PTPRD: variants seen among roughly 807,000 people sequenced by gnomAD.
PTPRD encodes receptor-type tyrosine-protein phosphatase delta.
Under a neutral mutation model 214.5 loss-of-function variants are expected in PTPRD, and 34 were observed. The ratio of observed to expected loss-of-function variants is 0.16; its 90% CI spans 0.12 to 0.21. PTPRD has a LOEUF of 0.21. Among genes scored for constraint, PTPRD ranks in the 10% least tolerant of loss-of-function variants. The probability of loss-of-function intolerance (pLI) is 1.00; values close to 1 mark genes in which losing one functional copy is unlikely to be tolerated. For missense variants in PTPRD, 2,545 were observed against 2,398.7 expected (o/e 1.06, Z -1.27); for synonymous variants, 1,128 against 845.7 (o/e 1.33, Z -5.79).
rs374823031 is a variant in PTPRD at position 8,501,107 on chromosome 9, G to A, written c.1823-48C>T. On this transcript the variant is annotated intron_variant, in intron 23 of 45. Coordinates refer to ENST00000381196, the MANE Select transcript of PTPRD (RefSeq NM_002839.4). ...GGAGGATTTAAGTGAAAGGACAGGA[G>A]TGGTTGAAAAAAAAAATGATAAAAC... 4.4e-5 allele frequency: 61 copies of A among 1,396,364 alleles called. No homozygotes were observed. In the African/African-American group the frequency reaches 7.2e-4, roughly 16 times the overall value. 86.5% of individuals were successfully genotyped at this position (1,396,364 alleles called of 1,614,324 possible).
At chr9:9,043,219 T>C (rs1422117697) in intron 10 of PTPRD, among the ~76,000 whole-genome samples, 1 of 152,166 alleles carries the variant, frequency 6.6e-6, no homozygotes, top group East Asian at 1.9e-4. Context: ...TTCTGTGTTG[T>C]TGGAAAACTT....
rs560389000 is a variant in PTPRD at position 8,314,702 on chromosome 9, A to G, written c.*3172T>C. 4.3e-6 allele frequency: 1 copy of G among 231,186 alleles called. No homozygotes were observed. Among genetic ancestry groups the G allele is most frequent in the African/African-American group, 2.2e-5 (1 of 45,194 alleles). The allele number at this position is 231,186 out of a possible 1,614,324, so 14.3% of individuals were successfully genotyped here. A position where few individuals can be genotyped will look rare whatever the true frequency, so the allele number is the denominator to read the frequency against. On this transcript the variant is annotated 3_prime_UTR_variant, in exon 46 of 46. Coordinates refer to ENST00000381196, the MANE Select transcript of PTPRD (RefSeq NM_002839.4). ...GCAAAACCGAAAATAAACAGGAAAG[A>G]AAAAAAATACGTGCATTACTGCAGA...
At chr9:10,015,584 C>T (rs1163574491) in intron 4 of PTPRD, among the ~76,000 whole-genome samples, 1 of 152,048 alleles carries the variant, frequency 6.6e-6, no homozygotes, top group Admixed American at 6.6e-5. Context: ...TCAATCCAAG[C>T]CTCAACTTTA....
intron 5 of PTPRD, among the ~76,000 whole-genome samples, chr9:9,813,823 C>T (rs1310151944): frequency 3.3e-5 from 5 of 152,012 alleles, no homozygotes; most frequent in Middle Eastern, 6.8e-3. Flanking sequence ...AATTATAGAC[C>T]AACATTTCTG....
At position 10,003,152 on chromosome 9, in the gene PTPRD, T is replaced by C. The variant is rs956605092; in HGVS notation, c.-472+30566A>G. On this transcript the variant is annotated intron_variant, in intron 4 of 45. Transcript: ENST00000381196. ...TAGTCAAGGGACATAAGAAATGAGTTCCAGGCAGAAGGAAGAATAAAGCCA... is the reference window on the plus strand; with the variant it reads ...TAGTCAAGGGACATAAGAAATGAGTCCCAGGCAGAAGGAAGAATAAAGCCA... 3.3e-5 allele frequency among the ~76,000 whole-genome samples: 5 copies of C among 151,676 alleles called. No homozygotes were observed. In the South Asian group the frequency reaches 1.0e-3, roughly 31 times the overall value.
chr9:9,487,463 T>C (rs1174298920), intron 8 of PTPRD, among the ~76,000 whole-genome samples: 2 of 152,158 alleles, frequency 1.3e-5, no homozygotes, highest in African/African-American at 4.8e-5. Flanking sequence ...TCTATCATTG[T>C]TGGATATTTG....
chr9:9,266,801 C>A (rs534110682), intron 9 of PTPRD, among the ~76,000 whole-genome samples: 1 of 150,484 alleles, frequency 6.6e-6, no homozygotes, highest in Admixed American at 6.6e-5. Flanking sequence ...TAAAATGTAG[C>A]CAAAGCAGTT....
intron 8 of PTPRD, among the ~76,000 whole-genome samples, chr9:9,447,319 T>G (rs1388891983): frequency 6.6e-6 from 1 of 152,062 alleles, no homozygotes; most frequent in Non-Finnish European, 1.5e-5. Context: ...ATGTACCCCA[T>G]GGAATATTAG....
chr9:10,327,953 T>C (rs974969680), intron 3 of PTPRD, among the ~76,000 whole-genome samples: 1 of 151,732 alleles, frequency 6.6e-6, no homozygotes, highest in African/African-American at 2.4e-5. Flanking sequence ...TTTCTGGAGT[T>C]TTTATTATAA....
At chr9:9,770,588 T>A (rs1332594067) in intron 5 of PTPRD, among the ~76,000 whole-genome samples, 2 of 152,152 alleles carry the variant, frequency 1.3e-5, no homozygotes, top group Non-Finnish European at 2.9e-5. Context: ...TCATTCTGCT[T>A]GTTTTCAAAT....
chr9:9,573,383 A>C (rs1208258343), intron 8 of PTPRD, among the ~76,000 whole-genome samples: 1 of 151,360 alleles, frequency 6.6e-6, no homozygotes, highest in Non-Finnish European at 1.5e-5. Context: ...GAAAGAGTAT[A>C]ACAGGACTCA....
At chr9:8,873,116 G>A (rs188313370) in intron 11 of PTPRD, among the ~76,000 whole-genome samples, 3 of 152,276 alleles carry the variant, frequency 2.0e-5, no homozygotes, top group Admixed American at 2.0e-4. Context: ...TGGAGCAGGT[G>A]GTGAGACTCT....
At chr9:9,042,821 C>T (rs182202856) in intron 10 of PTPRD, among the ~76,000 whole-genome samples, 24 of 152,080 alleles carry the variant, frequency 1.6e-4, no homozygotes, top group Admixed American at 1.4e-3. Flanking sequence ...CAGCTGATTT[C>T]CTGGACTTTG....
At chr9:8,851,002 A>C (rs922897729) in intron 11 of PTPRD, among the ~76,000 whole-genome samples, 7 of 152,162 alleles carry the variant, frequency 4.6e-5, no homozygotes, top group Admixed American at 3.3e-4. Flanking sequence ...TCTCCCTGTA[A>C]AATTGTACTG....
At chr9:9,032,548 C>T (rs776318954) in intron 10 of PTPRD, among the ~76,000 whole-genome samples, 1 of 151,824 alleles carries the variant, frequency 6.6e-6, no homozygotes, top group African/African-American at 2.4e-5. Flanking sequence ...CCAAGGACTG[C>T]AGGCAATGTT....
At chr9:8,475,369 A>T (rs1297527881) in intron 30 of PTPRD, among the ~76,000 whole-genome samples, 1 of 152,080 alleles carries the variant, frequency 6.6e-6, no homozygotes, top group East Asian at 1.9e-4. Context: ...CTTCCACACT[A>T]ACCTTATTTC....
At chr9:10,190,386 G>GAAAAAAAAAAA (rs66511711) in intron 3 of PTPRD, among the ~76,000 whole-genome samples, 7 of 50,156 alleles carry the variant, frequency 1.4e-4, no homozygotes, top group Non-Finnish European at 2.6e-4. Context: ...TCTATCTCCA[G>GAAAAAAAAAAA]AAAAAAAAAA....
intron 11 of PTPRD, among the ~76,000 whole-genome samples, chr9:9,007,494 C>G (rs1186068966): frequency 6.6e-6 from 1 of 151,530 alleles, no homozygotes; most frequent in Non-Finnish European, 1.5e-5. Flanking sequence ...TGTGCTTGAC[C>G]CTATTACTTT....
chr9:10,081,208 T>G (rs2154189243), intron 3 of PTPRD, among the ~76,000 whole-genome samples: 1 of 152,254 alleles, frequency 6.6e-6, no homozygotes, highest in African/African-American at 2.4e-5. Context: ...ATTATGAAGT[T>G]AATAACTTTC....
Sources: allele counts gnomAD v4.1 joint callset (sites outside exome capture counted in the v4.1 genomes callset), GRCh38; gene constraint gnomAD v4.1.1; transcripts MANE v1.5; gene names NCBI Gene and HGNC (gene_info 2026-07-23, HGNC 2026-07-21).